Variants in SLC9A9 observed in about 807,000 individuals in gnomAD.
The protein encoded by SLC9A9 is sodium/hydrogen exchanger 9.
In SLC9A9, 62 loss-of-function variants were observed where a neutral mutation model predicts 77.8. That is an observed-to-expected ratio of 0.80 (90% CI 0.65 to 0.98). The LOEUF (loss-of-function observed/expected upper bound fraction) is 0.98, where lower values mean the gene tolerates loss of function less well. SLC9A9 is among the 50% of genes least tolerant of loss of function. The pLI is 0.00. For missense variants in SLC9A9, 775 were observed against 774.9 expected (o/e 1.00, Z 0.00); for synonymous variants, 320 against 283.5 (o/e 1.13, Z -1.29).
intron 6 of SLC9A9, among the ~76,000 whole-genome samples, chr3:143,615,211 C>T (rs1324071856): frequency 6.6e-6 from 1 of 152,236 alleles, no homozygotes; most frequent in African/African-American, 2.4e-5. Context: ...CACTGACAGT[C>T]ACCACCACGC....
chr3:143,827,528 C>T (rs2009330926), intron 2 of SLC9A9, among the ~76,000 whole-genome samples: 1 of 152,108 alleles, frequency 6.6e-6, no homozygotes, highest in African/African-American at 2.4e-5. Flanking sequence ...CAGTACATTG[C>T]TGTTTATATA....
chr3:143,648,703 T>C (rs1297831458), intron 6 of SLC9A9, among the ~76,000 whole-genome samples: 2 of 152,202 alleles, frequency 1.3e-5, no homozygotes, highest in South Asian at 2.1e-4. Flanking sequence ...GCTGATTATA[T>C]ACCCTTGAAC....
intron 13 of SLC9A9, among the ~76,000 whole-genome samples, chr3:143,371,008 T>C (rs1051376347): frequency 6.6e-6 from 1 of 151,872 alleles, no homozygotes; most frequent in African/African-American, 2.4e-5. Flanking sequence ...GTTGAAGAGC[T>C]ACAGATGGGA....
At chr3:143,762,107 C>T (rs529809452) in intron 4 of SLC9A9, among the ~76,000 whole-genome samples, 24 of 152,116 alleles carry the variant, frequency 1.6e-4, no homozygotes, top group African/African-American at 3.6e-4. Flanking sequence ...AACCAAACAC[C>T]GCATGTTCTC....
At chr3:143,673,486 G>C (rs983487404) in intron 5 of SLC9A9, among the ~76,000 whole-genome samples, 4 of 150,662 alleles carry the variant, frequency 2.7e-5, no homozygotes, top group Non-Finnish European at 4.4e-5. Flanking sequence ...GAGTGGAACT[G>C]GTTTGAAATA....
intron 6 of SLC9A9, among the ~76,000 whole-genome samples, chr3:143,588,953 T>C (rs1265367819): frequency 6.6e-6 from 1 of 152,292 alleles, no homozygotes; most frequent in East Asian, 1.9e-4. Context: ...TGCTGTCATA[T>C]GCGAAATTTT....
At chr3:143,702,135 A>G (rs1486579717) in intron 4 of SLC9A9, among the ~76,000 whole-genome samples, 1 of 152,210 alleles carries the variant, frequency 6.6e-6, no homozygotes, top group African/African-American at 2.4e-5. Context: ...AAATTTCATC[A>G]ACACCAGACC....
intron 10 of SLC9A9, among the ~76,000 whole-genome samples, chr3:143,494,591 A>G (rs1455710846): frequency 1.3e-5 from 2 of 152,252 alleles, no homozygotes; most frequent in African/African-American, 4.8e-5. Flanking sequence ...TCTGTGATCC[A>G]AGGTGGCATC....
chr3:143,841,124 C>G (rs943958966), intron 1 of SLC9A9, among the ~76,000 whole-genome samples: 9 of 152,132 alleles, frequency 5.9e-5, no homozygotes, highest in Admixed American at 1.3e-4. Flanking sequence ...TGTTGATTAT[C>G]AGCAAGTTAC....
At chr3:143,768,456 C>G (rs566594140) in intron 4 of SLC9A9, among the ~76,000 whole-genome samples, 3 of 152,112 alleles carry the variant, frequency 2.0e-5, no homozygotes, top group Non-Finnish European at 1.5e-5. Flanking sequence ...ATGAGATGTA[C>G]CACATTTCCC....
At chr3:143,587,776 C>T (rs2037568064) in intron 6 of SLC9A9, among the ~76,000 whole-genome samples, 1 of 152,206 alleles carries the variant, frequency 6.6e-6, no homozygotes, top group Non-Finnish European at 1.5e-5. Context: ...TCTTCAAAGG[C>T]TGCAGCAGCC....
At chr3:143,744,408 A>G (rs1351410754) in intron 4 of SLC9A9, among the ~76,000 whole-genome samples, 1 of 152,160 alleles carries the variant, frequency 6.6e-6, no homozygotes, top group African/African-American at 2.4e-5. Context: ...TTGGGACTCC[A>G]GGCTGTGTTA....
intron 9 of SLC9A9, among the ~76,000 whole-genome samples, chr3:143,548,076 G>T (rs72999736): frequency 0.13 from 19,911 of 152,176 alleles, 1,683 homozygotes; most frequent in African/African-American, 0.23. Context: ...ACATGTTAAC[G>T]CACAGTAAAT....
chr3:143,518,170 C>T (rs1457708657), intron 9 of SLC9A9: 8 of 1,599,724 alleles, frequency 5.0e-6, no homozygotes, highest in Admixed American at 3.3e-5. Flanking sequence ...GCAGAACGCT[C>T]GGATCCTCCT....
chr3:143,634,420 C>T (rs1305760852), intron 6 of SLC9A9, among the ~76,000 whole-genome samples: 1 of 152,056 alleles, frequency 6.6e-6, no homozygotes, highest in Non-Finnish European at 1.5e-5. Context: ...TCCCCAAATG[C>T]GTCTTCTATG....
At chr3:143,603,247 G>C (rs1358196622) in intron 6 of SLC9A9, among the ~76,000 whole-genome samples, 1 of 152,170 alleles carries the variant, frequency 6.6e-6, no homozygotes, top group Admixed American at 6.5e-5. Context: ...ATTCTAGAAG[G>C]ACCATCTAAA....
chr3:143,505,650 T>C (rs1189189967), intron 9 of SLC9A9, among the ~76,000 whole-genome samples: 1 of 152,230 alleles, frequency 6.6e-6, no homozygotes, highest in Non-Finnish European at 1.5e-5. Context: ...TATTTCATTG[T>C]CTTCTTTTAA....
intron 12 of SLC9A9, among the ~76,000 whole-genome samples, chr3:143,427,617 A>G (rs950157274): frequency 6.6e-6 from 1 of 152,220 alleles, no homozygotes; most frequent in African/African-American, 2.4e-5. Context: ...GTTTCAGAAA[A>G]CTTAAGACTG....
At chr3:143,317,827 A>T (rs1012931535) in intron 14 of SLC9A9, among the ~76,000 whole-genome samples, 6 of 152,170 alleles carry the variant, frequency 3.9e-5, no homozygotes, top group Non-Finnish European at 8.8e-5. Flanking sequence ...TCCCAGGTTC[A>T]TGCGATTCTC....
Sources: gnomAD v4.1 joint callset for allele counts (sites outside exome capture counted in the v4.1 genomes callset) on GRCh38, gnomAD v4.1.1 for gene constraint, MANE v1.5 for transcripts, NCBI Gene and HGNC (gene_info 2026-07-23, HGNC 2026-07-21) for gene names.